UVRAG: variants seen among roughly 807,000 people sequenced by gnomAD.
The protein encoded by UVRAG is UV radiation resistance-associated gene protein.
Under a neutral mutation model 78.0 loss-of-function variants are expected in UVRAG, and 19 were observed. That is an observed-to-expected ratio of 0.24 (90% CI 0.17 to 0.36). The LOEUF is 0.36. Among genes scored for constraint, UVRAG ranks in the 10% least tolerant of loss-of-function variants. The pLI, the probability that UVRAG is intolerant of heterozygous loss-of-function variation, is 1.00. For missense variants in UVRAG, 740 were observed against 853.8 expected (o/e 0.87, Z 1.66); for synonymous variants, 323 against 324.6 (o/e 1.00, Z 0.05).
chr11:76,042,676 G>T (rs547971593), intron 12 of UVRAG, among the ~76,000 whole-genome samples: 3 of 152,324 alleles, frequency 2.0e-5, no homozygotes, highest in Admixed American at 1.3e-4. Flanking sequence ...CAGACACGTG[G>T]CTGTGATGCT....
intron 11 of UVRAG, among the ~76,000 whole-genome samples, chr11:76,009,298 T>C (rs2135350127): frequency 6.6e-6 from 1 of 152,292 alleles, no homozygotes; most frequent in Middle Eastern, 3.4e-3. Context: ...GAAGTTTCCA[T>C]TACCACAGGC....
At chr11:76,032,647 G>C (rs1410382241) in intron 12 of UVRAG, among the ~76,000 whole-genome samples, 1 of 152,140 alleles carries the variant, frequency 6.6e-6, no homozygotes, top group African/African-American at 2.4e-5. Flanking sequence ...CCATGCTAGA[G>C]ATCAGCACAG....
At chr11:76,111,088 A>C (rs1952059915) in intron 13 of UVRAG, among the ~76,000 whole-genome samples, 1 of 152,128 alleles carries the variant, frequency 6.6e-6, no homozygotes, top group Non-Finnish European at 1.5e-5. Flanking sequence ...TCCTCACCTC[A>C]AGCAGTCTAC....
intron 14 of UVRAG, among the ~76,000 whole-genome samples, chr11:76,127,190 G>A (rs1327131910): frequency 1.3e-5 from 2 of 152,140 alleles, no homozygotes; most frequent in East Asian, 3.9e-4. Flanking sequence ...AAACTGTCAG[G>A]CAATGAAATG....
chr11:75,935,797 A>G (rs1474306993), intron 6 of UVRAG, among the ~76,000 whole-genome samples: 2 of 152,184 alleles, frequency 1.3e-5, no homozygotes, highest in Non-Finnish European at 2.9e-5. Context: ...AAATACGAAC[A>G]TCCTTCTAGA....
intron 12 of UVRAG, among the ~76,000 whole-genome samples, chr11:76,041,101 A>C (rs140288009): frequency 1.2e-4 from 18 of 152,368 alleles, no homozygotes; most frequent in Middle Eastern, 3.4e-3. Context: ...CTTAGGGAAA[A>C]TGGTTAAAAG....
chr11:76,138,304 C>T (rs531934512), intron 14 of UVRAG, among the ~76,000 whole-genome samples: 2 of 152,310 alleles, frequency 1.3e-5, no homozygotes, highest in South Asian at 2.1e-4. Flanking sequence ...CTTGAACAAA[C>T]CACATGACCC....
chr11:75,999,759 C>T (rs1289185536), intron 8 of UVRAG, among the ~76,000 whole-genome samples: 2 of 151,934 alleles, frequency 1.3e-5, no homozygotes, highest in Non-Finnish European at 2.9e-5. Context: ...ATCTGAAAGC[C>T]AAAATATTCC....
intron 3 of UVRAG, among the ~76,000 whole-genome samples, chr11:75,867,570 A>T (rs1481970972): frequency 9.9e-5 from 15 of 152,244 alleles, no homozygotes; most frequent in Admixed American, 9.8e-4. Context: ...GAGCTAACAT[A>T]AATAGTGCTG....
intron 1 of UVRAG, among the ~76,000 whole-genome samples, chr11:75,828,107 A>G (rs1945555390): frequency 6.6e-6 from 1 of 152,216 alleles, no homozygotes; most frequent in East Asian, 1.9e-4. Context: ...AGGATAATTT[A>G]CAGGACTATA....
intron 1 of UVRAG, among the ~76,000 whole-genome samples, chr11:75,839,393 C>A (rs1445683036): frequency 1.3e-5 from 2 of 151,822 alleles, no homozygotes; most frequent in East Asian, 3.9e-4. Flanking sequence ...AATAATTGTT[C>A]ATGGTTTCTT....
intron 12 of UVRAG, among the ~76,000 whole-genome samples, chr11:76,061,250 G>A (rs1160818392): frequency 6.6e-6 from 1 of 152,134 alleles, no homozygotes; most frequent in Non-Finnish European, 1.5e-5. Context: ...CATCTAGTGG[G>A]GAGGTGGAGA....
At chr11:75,855,631 A>C (rs1418039319) in intron 2 of UVRAG, among the ~76,000 whole-genome samples, 1 of 152,258 alleles carries the variant, frequency 6.6e-6, no homozygotes, top group Non-Finnish European at 1.5e-5. Context: ...TTGGTATAGA[A>C]CAACCATCAT....
chr11:75,815,302 G>C lies in UVRAG; in HGVS notation c.-106G>C, dbSNP rs1057445862. On this transcript the variant is annotated 5_prime_UTR_variant, in exon 1 of 15. Transcript: ENST00000356136. Reference sequence around the variant, plus strand: ...TCTGGGCTGAGCAGTAGTGCCTCTCGGGTGGCGGGTTTCTAGGCTGCAGGG... The same window carrying C: ...TCTGGGCTGAGCAGTAGTGCCTCTCCGGTGGCGGGTTTCTAGGCTGCAGGG... The C allele has an allele frequency of 5.3e-5, 30 of 564,184 alleles. No individual in the cohort carries two copies. The highest frequency in any genetic ancestry group is 7.6e-5 in the Non-Finnish European group (28 of 370,140). The allele number at this position is 564,184 out of a possible 1,614,324, so 34.9% of individuals were successfully genotyped here.
At chr11:75,919,703 A>G (rs1179402088) in intron 6 of UVRAG, among the ~76,000 whole-genome samples, 3 of 152,290 alleles carry the variant, frequency 2.0e-5, no homozygotes, top group Admixed American at 6.5e-5. Flanking sequence ...TCATAACTCA[A>G]GTTACTCACG....
chr11:76,133,572 G>T (rs770496326), intron 14 of UVRAG, among the ~76,000 whole-genome samples: 40 of 152,158 alleles, frequency 2.6e-4, no homozygotes, highest in Admixed American at 5.9e-4. Context: ...GCATGGCAAG[G>T]TATTTATATA....
At chr11:76,048,094 C>G (rs1169458536) in intron 12 of UVRAG, among the ~76,000 whole-genome samples, 2 of 152,206 alleles carry the variant, frequency 1.3e-5, no homozygotes, top group Non-Finnish European at 2.9e-5. Context: ...AGCACACTGG[C>G]TGATTGATAC....
At chr11:75,890,926 G>C (rs1360323694) in intron 5 of UVRAG, among the ~76,000 whole-genome samples, 1 of 152,024 alleles carries the variant, frequency 6.6e-6, no homozygotes, top group African/African-American at 2.4e-5. Flanking sequence ...GGGTTTTGTT[G>C]TTGTTGTTGT....
chr11:75,935,301 C>T (rs1948344808), intron 6 of UVRAG, among the ~76,000 whole-genome samples: 2 of 152,120 alleles, frequency 1.3e-5, no homozygotes, highest in African/African-American at 4.8e-5. Flanking sequence ...GAGCTCTTCT[C>T]CAAGGTCAGT....
Sources: allele counts gnomAD v4.1 joint callset (sites outside exome capture counted in the v4.1 genomes callset), GRCh38; gene constraint gnomAD v4.1.1; transcripts MANE v1.5; gene names NCBI Gene and HGNC (gene_info 2026-07-23, HGNC 2026-07-21).